The following TUBGCP3 variants were observed in gnomAD, a reference collection of about 807,000 sequenced individuals.
The protein encoded by TUBGCP3 is tubulin gamma complex component 3, also known as gamma-tubulin complex component 3.
In TUBGCP3, 50 loss-of-function variants were observed where a neutral mutation model predicts 123.1. That is an observed-to-expected ratio of 0.41 (90% CI 0.32 to 0.51). The LOEUF is 0.51. Among genes scored for constraint, TUBGCP3 ranks in the 20% least tolerant of loss-of-function variants. TUBGCP3 has a pLI of 0.36. For synonymous variants in TUBGCP3, 405 were observed against 413.9 expected, an observed-to-expected ratio of 0.98 and a Z score of 0.26; for missense variants, 882 against 1,127.0, an observed-to-expected ratio of 0.78 and a Z score of 3.11.
At chr13:112,580,299 A>G (rs1882194450) in intron 1 of TUBGCP3, among the ~76,000 whole-genome samples, 1 of 152,182 alleles carries the variant, frequency 6.6e-6, no homozygotes, top group Non-Finnish European at 1.5e-5. Context: ...ACAAAAGAAC[A>G]GTTAGAAATT....
At chr13:112,514,186 T>C (rs746092304) in intron 17 of TUBGCP3, among the ~76,000 whole-genome samples, 7 of 152,058 alleles carry the variant, frequency 4.6e-5, no homozygotes, top group African/African-American at 7.2e-5. Context: ...TGTTAATCAC[T>C]TACTGTGCCT....
chr13:112,535,024 G>A (rs377645041), intron 11 of TUBGCP3, among the ~76,000 whole-genome samples: 5 of 152,088 alleles, frequency 3.3e-5, no homozygotes, highest in African/African-American at 1.2e-4. Context: ...CATTTCATAC[G>A]AATGGAATCA....
chr13:112,514,669 G>A (rs1490388582), intron 17 of TUBGCP3, among the ~76,000 whole-genome samples: 1 of 152,142 alleles, frequency 6.6e-6, no homozygotes, highest in African/African-American at 2.4e-5. Context: ...ACTGAGATAT[G>A]AGCTAAATTG....
the TUBGCP3 span, among the ~76,000 whole-genome samples, chr13:112,599,207 A>C: frequency 6.6e-6 from 1 of 152,126 alleles, no homozygotes; most frequent in Non-Finnish European, 1.5e-5. Context: ...TGATCACCTG[A>C]CTTGGGGTGC....
chr13:112,591,920 A>G (rs1882890237), upstream of TUBGCP3, among the ~76,000 whole-genome samples: 1 of 152,186 alleles, frequency 6.6e-6, no homozygotes, highest in African/African-American at 2.4e-5. Context: ...GCCCCTTTAC[A>G]TTGGGAACAA....
At chr13:112,489,788 G>A (rs1045230508) in intron 20 of TUBGCP3, 91 bp from the exon 21 acceptor site, 4 of 1,046,146 alleles carry the variant, frequency 3.8e-6, no homozygotes, top group Non-Finnish European at 5.9e-6. Flanking sequence ...AGGAGCAGGA[G>A]GTGTCTGCTT....
chr13:112,559,204 A>G (rs945743635), intron 4 of TUBGCP3, 118 bp downstream of exon 4: 3 of 795,282 alleles, frequency 3.8e-6, no homozygotes, highest in Non-Finnish European at 6.0e-6. Flanking sequence ...TTGACCTTCC[A>G]TGACAGACAA....
chr13:112,547,553 G>T, intron 10 of TUBGCP3, 67 bp downstream of exon 10: 2 of 785,360 alleles, frequency 2.5e-6, no homozygotes, highest in Non-Finnish European at 3.3e-6. Context: ...AAAGTCGCGC[G>T]TGGGAAAGTC....
At chr13:112,595,418 T>G in the TUBGCP3 span, among the ~76,000 whole-genome samples, 1 of 152,106 alleles carries the variant, frequency 6.6e-6, no homozygotes, top group Non-Finnish European at 1.5e-5. Context: ...AGGATGGTCT[T>G]GATCTCCTGA....
chr13:112,517,464 C>T (rs1281610505), intron 16 of TUBGCP3, among the ~76,000 whole-genome samples: 4 of 152,128 alleles, frequency 2.6e-5, no homozygotes, highest in African/African-American at 9.7e-5. Context: ...GTTCAGTTTA[C>T]CTATTTGTCA....
At chr13:112,576,394 A>G (rs1056719411) in intron 1 of TUBGCP3, among the ~76,000 whole-genome samples, 1 of 152,226 alleles carries the variant, frequency 6.6e-6, no homozygotes, top group Admixed American at 6.5e-5. Flanking sequence ...GTCATGGGTG[A>G]ATGAGTTCTG....
chr13:112,569,090 C>G lies in TUBGCP3; in HGVS notation c.184+62G>C, dbSNP rs111934303. The G allele has an allele frequency of 5.9e-4, 886 of 1,509,782 alleles. 2 individuals are homozygous for G. The African/African-American group carries it at 0.011, about 18-fold the overall frequency. 93.5% of individuals were successfully genotyped at this position (1,509,782 alleles called of 1,614,324 possible). On this transcript the variant is annotated intron_variant, in intron 2 of 21. Coordinates refer to ENST00000261965, the MANE Select transcript of TUBGCP3 (RefSeq NM_006322.6). The stretch of plus-strand genomic sequence containing the variant: ...ACACACCTACACACATGCATACATA[C>G]ATCTGCTTAAGCTCTGACGAGTTTA...
chr13:112,525,684 C>A (rs1017795752), intron 13 of TUBGCP3, among the ~76,000 whole-genome samples: 2 of 152,226 alleles, frequency 1.3e-5, no homozygotes, highest in African/African-American at 4.8e-5. Flanking sequence ...AAAGCCTCAG[C>A]ACTTCCCACA....
chr13:112,593,763 G>C, the TUBGCP3 span, among the ~76,000 whole-genome samples: 1 of 152,048 alleles, frequency 6.6e-6, no homozygotes, highest in Non-Finnish European at 1.5e-5. Context: ...AAAAGAAGTT[G>C]ATTCTAGGAA....
intron 5 of TUBGCP3, among the ~76,000 whole-genome samples, chr13:112,556,651 T>G (rs1203001278): frequency 1.3e-5 from 2 of 152,200 alleles, no homozygotes; most frequent in Non-Finnish European, 2.9e-5. Context: ...AGGAATCGAG[T>G]CACTGTGACA....
At chr13:112,573,630 A>G (rs1329977983) in intron 1 of TUBGCP3, among the ~76,000 whole-genome samples, 1 of 152,220 alleles carries the variant, frequency 6.6e-6, no homozygotes, top group Non-Finnish European at 1.5e-5. Context: ...CTACAATCTC[A>G]GCAGCAAAAG....
Position 112,545,808 on chromosome 13 carries a change from G to A in TUBGCP3, c.1226C>T (p.Pro409Leu), listed in dbSNP as rs776852593. The change falls in exon 11 of 22, where the codon CCG becomes CTG. Residue 409 changes from proline (P) to leucine (L), a missense_variant. By Grantham distance (98) the Pro-to-Leu change is moderately conservative. Transcript: ENST00000261965. This position sits in a 1 kb window ranked among gnomAD's most constrained non-coding sequence, Gnocchi z 4.1. ...AVHAYTKTGD[P>L]YMRSLVQHIL... is the part of the protein sequence containing the mutation. ...GTGCTGCACCAGAGACCGCATGTAC[G>A]GGTCTCCTGTTTTTGTGTAGGCGTG... The A allele has an allele frequency of 4.3e-6, 7 of 1,613,988 alleles. No homozygotes were observed. The highest frequency in any genetic ancestry group is 4.2e-6 in the Non-Finnish European group (5 of 1,179,998).
At position 112,527,439 on chromosome 13, in the gene TUBGCP3, G is replaced by A; in HGVS notation, c.1381C>T (p.His461Tyr). The change falls in exon 12 of 22, where the codon CAC (histidine) becomes TAC (tyrosine). Residue 461 changes from histidine (H) to tyrosine (Y), a missense_variant. Coordinates refer to ENST00000261965, the MANE Select transcript of TUBGCP3 (RefSeq NM_006322.6). Reference protein sequence around the residue: ...DPTVKTDRLWHDKYTLRKSMI... With the variant: ...DPTVKTDRLWYDKYTLRKSMI... Reference sequence around the variant, plus strand: ...GATTTCCTCAAAGTATACTTGTCGTGCCACAGTCGATCTGTTTTAACTGTT... The same window carrying A: ...GATTTCCTCAAAGTATACTTGTCGTACCACAGTCGATCTGTTTTAACTGTT... 1 of 1,610,288 alleles carries A rather than the reference G, an allele frequency of 6.2e-7. No individual in the cohort carries two copies. Among genetic ancestry groups the A allele is most frequent in the Non-Finnish European group, 8.5e-7 (1 of 1,179,074 alleles).
chr13:112,492,838 G>T (rs190245624), intron 20 of TUBGCP3, among the ~76,000 whole-genome samples: 15 of 151,708 alleles, frequency 9.9e-5, no homozygotes, highest in Admixed American at 9.2e-4. Context: ...AACATGGCCT[G>T]GTGTGCCTGA....
Sources: gnomAD v4.1 joint callset for allele counts (sites outside exome capture counted in the v4.1 genomes callset) on GRCh38, gnomAD v4.1.1 for gene constraint, Gnocchi (gnomAD v3.1) non-coding constraint, MANE v1.5 for transcripts, NCBI Gene and HGNC (gene_info 2026-07-23, HGNC 2026-07-21) for gene names.